Variants in ZFR2 observed in about 807,000 individuals in gnomAD.
The protein encoded by ZFR2 is zinc finger RNA binding protein 2, also known as zinc finger RNA-binding protein 2.
In ZFR2, 104 loss-of-function variants were observed where a neutral mutation model predicts 105.7. The observed-to-expected ratio is 0.98, with a 90% CI of 0.84 to 1.16. The LOEUF (loss-of-function observed/expected upper bound fraction) is 1.16, where lower values mean the gene tolerates loss of function less well. ZFR2 is among the 50% of genes most tolerant of loss of function. The probability of loss-of-function intolerance (pLI) is 0.00; values close to 1 mark genes in which losing one functional copy is unlikely to be tolerated. For synonymous variants in ZFR2, 634 were observed against 597.7 expected (o/e 1.06, Z -0.89); for missense variants, 1,425 against 1,355.5 (o/e 1.05, Z -0.80).
chr19:3,855,654 T>G, intron 1 of ZFR2: 1 of 393,568 alleles, frequency 2.5e-6, no homozygotes, highest in East Asian at 3.7e-5. Context: ...CAAGGGGGTG[T>G]GAGCAGGGGG....
At chr19:3,839,753 G>A (rs375637799) in intron 1 of ZFR2, among the ~76,000 whole-genome samples, 6 of 152,160 alleles carry the variant, frequency 3.9e-5, no homozygotes, top group African/African-American at 1.4e-4. Flanking sequence ...GAGAATTGAA[G>A]CACCACCTGG....
At chr19:3,831,077 A>G (rs769609685) in intron 5 of ZFR2, among the ~76,000 whole-genome samples, 6 of 151,682 alleles carry the variant, frequency 4.0e-5, no homozygotes, top group South Asian at 2.1e-4. Context: ...GCACACACAT[A>G]TGCACACATA....
Position 3,831,469 on chromosome 19 carries a change from G to T in ZFR2, c.686C>A (p.Pro229His). The change falls in exon 5 of 19, where the codon CCC becomes CAC. Residue 229 changes from proline to histidine, a missense_variant. Pro to His is a moderately conservative substitution (Grantham distance 77, BLOSUM62 -2). Transcript: ENST00000262961. ...PPAQPPPPPG[P>H]PQQLPPPPAP... is the part of the protein sequence containing the mutation. ...GGGCGGCGGGGGCAGCTGCTGCGGG[G>T]GTCCCGGGGGAGGCGGGGGCTGCGC... 1 of 1,550,448 alleles carries T rather than the reference G, an allele frequency of 6.4e-7. No individual in the cohort carries two copies. The highest frequency in any genetic ancestry group is 8.7e-7 in the Non-Finnish European group (1 of 1,147,774).
chr19:3,807,628 C>T (rs941037489), intron 17 of ZFR2, among the ~76,000 whole-genome samples: 15 of 151,044 alleles, frequency 9.9e-5, no homozygotes, highest in Non-Finnish European at 1.8e-4. Context: ...GGCGTATGTG[C>T]ATGTGTGCCT....
At chr19:3,815,150 C>G (rs1177901628) in intron 13 of ZFR2, among the ~76,000 whole-genome samples, 1 of 152,178 alleles carries the variant, frequency 6.6e-6, no homozygotes, top group Non-Finnish European at 1.5e-5. Flanking sequence ...AGTGCAGTGG[C>G]ACTATCTCTG....
chr19:3,825,513 TG>T, intron 6 of ZFR2, 106 bp from the exon 7 acceptor site: 1 of 1,405,810 alleles, frequency 7.1e-7, no homozygotes, highest in African/African-American at 1.5e-5. Flanking sequence ...GAGTGTGGGC[TG>T]GCCGGTCCCA....
intron 1 of ZFR2, among the ~76,000 whole-genome samples, chr19:3,840,187 G>A (rs951107214): frequency 3.3e-5 from 5 of 151,630 alleles, no homozygotes; most frequent in African/African-American, 4.8e-5. Context: ...GAGTTTCATC[G>A]CCCAGTACAG....
chr19:3,829,197 G>A (rs1262145970), intron 5 of ZFR2, among the ~76,000 whole-genome samples: 1 of 151,974 alleles, frequency 6.6e-6, no homozygotes, highest in African/African-American at 2.4e-5. Context: ...CCTGACCTCA[G>A]GCGATCCTCC....
intron 5 of ZFR2, among the ~76,000 whole-genome samples, chr19:3,830,895 G>GCA (rs145509353): frequency 1.3e-5 from 2 of 151,632 alleles, no homozygotes; most frequent in African/African-American, 2.4e-5. Flanking sequence ...AAGCACGCAT[G>GCA]CACACACACA....
chr19:3,808,729 C>G (rs2037729787), intron 17 of ZFR2, 143 bp downstream of exon 17: 1 of 640,452 alleles, frequency 1.6e-6, no homozygotes, highest in African/African-American at 1.9e-5. Context: ...CTGCTGGGAG[C>G]ATGTGTGTGT....
intron 5 of ZFR2, among the ~76,000 whole-genome samples, chr19:3,828,275 G>C (rs2037974917): frequency 6.6e-6 from 1 of 151,892 alleles, no homozygotes; most frequent in South Asian, 2.1e-4. Context: ...CTCCCAAGTA[G>C]CTGGGACTAC....
intron 1 of ZFR2, among the ~76,000 whole-genome samples, chr19:3,850,479 C>A (rs985144665): frequency 1.3e-5 from 2 of 152,002 alleles, no homozygotes; most frequent in East Asian, 1.9e-4. Context: ...TATGTTGAAG[C>A]CCTAACCCCC....
At chr19:3,844,491 C>T (rs746591413) in intron 1 of ZFR2, among the ~76,000 whole-genome samples, 71 of 152,066 alleles carry the variant, frequency 4.7e-4, no homozygotes, top group Admixed American at 7.9e-4. Flanking sequence ...TCTCGGCCTC[C>T]GGAGTATCTG....
chr19:3,831,409 T>TCGGC lies in ZFR2; in HGVS notation c.742_745dup (p.Asp249GlyfsTer161). The stretch of plus-strand genomic sequence containing the variant: ...CTTGCTGGGAAGCGGTGGCTTCGAG[T>TCGGC]CGGCCCTGGGGCTGCTTCCTGAGCC... On this transcript the variant is annotated frameshift_variant, in exon 5 of 19. Transcript: ENST00000262961. LOFTEE classifies it high-confidence loss of function. The TCGGC allele has an allele frequency of 6.4e-7, 1 of 1,555,178 alleles. No homozygotes were observed. Among genetic ancestry groups the TCGGC allele is most frequent in the Non-Finnish European group, 8.7e-7 (1 of 1,151,428 alleles).
intron 1 of ZFR2, among the ~76,000 whole-genome samples, chr19:3,846,069 C>G (rs540425530): frequency 1.3e-5 from 2 of 152,386 alleles, no homozygotes; most frequent in East Asian, 3.9e-4. Context: ...CTCTGCCCCC[C>G]AGGTTCAAGT....
chr19:3,851,007 G>C (rs2038232563), intron 1 of ZFR2, among the ~76,000 whole-genome samples: 1 of 151,564 alleles, frequency 6.6e-6, no homozygotes, highest in Admixed American at 6.6e-5. Flanking sequence ...CAAGGAGAGA[G>C]CCCTCACCAG....
intron 13 of ZFR2, 28 bp downstream of exon 13, chr19:3,816,646 G>A: frequency 6.3e-7 from 1 of 1,578,896 alleles, no homozygotes; most frequent in Non-Finnish European, 8.6e-7. Flanking sequence ...GACGCCAGAA[G>A]CAGCGATGAG....
chr19:3,869,002 A>G lies in ZFR2; in HGVS notation c.16T>C (p.Tyr6His). 1 of 1,375,490 alleles carries G rather than the reference A, an allele frequency of 7.3e-7. No individual in the cohort carries two copies. The highest frequency in any genetic ancestry group is 1.7e-5 in the South Asian group (1 of 57,144). 85.2% of individuals were successfully genotyped at this position (1,375,490 alleles called of 1,614,324 possible). The change falls in exon 1 of 19, where the codon TAT becomes CAT. Residue 6 changes from tyrosine (Y) to histidine (H), a missense_variant. Physicochemically the swap from Tyr to His is moderately conservative, Grantham distance 83. Coordinates refer to ENST00000262961, the MANE Select transcript of ZFR2 (RefSeq NM_015174.2). The part of the protein sequence containing the change: MATSQ[Y>H]FDFAQGGGPQ... ...CCGCCGCCCTGCGCGAAGTCGAAATACTGACTCGTCGCCATCTTGGCGTCT... is the reference window on the plus strand; with the variant it reads ...CCGCCGCCCTGCGCGAAGTCGAAATGCTGACTCGTCGCCATCTTGGCGTCT...
At chr19:3,852,696 C>T in intron 1 of ZFR2, 2 of 661,606 alleles carry the variant, frequency 3.0e-6, no homozygotes, top group Non-Finnish European at 5.6e-6. Flanking sequence ...CAACAATCTG[C>T]CACATTGTGG....
Sources: gnomAD v4.1 joint callset for allele counts (sites outside exome capture counted in the v4.1 genomes callset) on GRCh38, gnomAD v4.1.1 for gene constraint, MANE v1.5 for transcripts, NCBI Gene and HGNC (gene_info 2026-07-23, HGNC 2026-07-21) for gene names.